Variants in DLG2 observed in about 807,000 individuals in gnomAD.
DLG2 encodes the protein discs large MAGUK scaffold protein 2.
DLG2 carries 45 observed loss-of-function variants against 132.5 expected under a neutral mutation model. The ratio of observed to expected loss-of-function variants is 0.34; its 90% CI spans 0.27 to 0.44. The LOEUF (loss-of-function observed/expected upper bound fraction) is 0.44. DLG2 is among the 20% of genes least tolerant of loss of function. The pLI is 1.00. For missense variants in DLG2, 1,045 were observed against 1,196.9 expected, an observed-to-expected ratio of 0.87 and a Z score of 1.87; for synonymous variants, 424 against 419.6, an observed-to-expected ratio of 1.01 and a Z score of -0.13.
At chr11:83,517,178 G>A (rs1255377692) in intron 21 of DLG2, among the ~76,000 whole-genome samples, 1 of 152,020 alleles carries the variant, frequency 6.6e-6, no homozygotes, top group Non-Finnish European at 1.5e-5. Flanking sequence ...ATGTAGATTT[G>A]GTCTTTTCAC....
chr11:85,612,784 T>C (rs984819161), intron 2 of DLG2, among the ~76,000 whole-genome samples: 5 of 152,192 alleles, frequency 3.3e-5, no homozygotes, highest in Admixed American at 1.3e-4. Flanking sequence ...TGGCTACTGC[T>C]ACAGAAACTG....
At chr11:84,313,420 C>CTA (rs2098312659) in intron 7 of DLG2, among the ~76,000 whole-genome samples, 1 of 151,328 alleles carries the variant, frequency 6.6e-6, no homozygotes, top group Non-Finnish European at 1.5e-5. Context: ...AGCCTGTTTA[C>CTA]TATAATATTA....
chr11:84,465,900 C>A (rs1299377677), intron 7 of DLG2, among the ~76,000 whole-genome samples: 1 of 151,058 alleles, frequency 6.6e-6, no homozygotes, highest in East Asian at 2.0e-4. Flanking sequence ...TTTAGCAAAC[C>A]ATTTATCTCA....
chr11:83,965,252 T>G, intron 13 of DLG2, 72 bp downstream of exon 13: 1 of 1,478,382 alleles, frequency 6.8e-7, no homozygotes. Context: ...AGTAGAACAC[T>G]TTGTCAACAG....
At chr11:85,579,184 G>A (rs559020767) in intron 3 of DLG2, among the ~76,000 whole-genome samples, 30 of 152,200 alleles carry the variant, frequency 2.0e-4, no homozygotes, top group Non-Finnish European at 3.5e-4. Context: ...GCTAAATGAT[G>A]AGAACACATG....
chr11:84,889,881 G>A (rs765117882), intron 6 of DLG2, among the ~76,000 whole-genome samples: 5 of 152,142 alleles, frequency 3.3e-5, no homozygotes, highest in Non-Finnish European at 7.3e-5. Flanking sequence ...CAAGACACAT[G>A]GCAGATGAGG....
intron 6 of DLG2, among the ~76,000 whole-genome samples, chr11:84,827,676 C>CAAAAAAAAAAAA (rs398016953): frequency 6.0e-4 from 21 of 35,096 alleles, no homozygotes; most frequent in South Asian, 1.8e-3. Flanking sequence ...TACATACAGT[C>CAAAAAAAAAAAA]AAAAAAAAAA....
chr11:84,623,830 A>G (rs1426075060), intron 6 of DLG2, among the ~76,000 whole-genome samples: 17 of 152,168 alleles, frequency 1.1e-4, no homozygotes. Flanking sequence ...CACAATGAGA[A>G]TATTTTTTCT....
At chr11:85,169,724 A>G (rs2078709701) in intron 4 of DLG2, among the ~76,000 whole-genome samples, 1 of 152,230 alleles carries the variant, frequency 6.6e-6, no homozygotes, top group Admixed American at 6.5e-5. Context: ...TCCTCTCTAA[A>G]TAATAAAATT....
chr11:85,310,300 C>A (rs2080233492), intron 3 of DLG2, among the ~76,000 whole-genome samples: 1 of 152,118 alleles, frequency 6.6e-6, no homozygotes, highest in Admixed American at 6.6e-5. Flanking sequence ...AAATATTGGT[C>A]AGGAAGATAG....
intron 18 of DLG2, chr11:83,646,950 C>T (rs2068383152): frequency 6.6e-6 from 1 of 152,232 alleles, no homozygotes; most frequent in South Asian, 2.1e-4. Flanking sequence ...TCCCTCCATT[C>T]TGTGGATTAC....
chr11:84,232,955 T>C lies in DLG2; in HGVS notation c.573+18283A>G, dbSNP rs369845175. 3.9e-5 allele frequency among the ~76,000 whole-genome samples: 6 copies of C among 152,192 alleles called. No individual in the cohort carries two copies. The East Asian group carries it at 1.2e-3, about 29-fold the overall frequency. On this transcript the variant is annotated intron_variant, in intron 8 of 27. Coordinates refer to ENST00000376104, the MANE Select transcript of DLG2 (RefSeq NM_001142699.3). ...GCCCAACAGAAAATAACCATTTAGG[T>C]GGGAGGAATCAGAGGGCCTGAGCAC...
At chr11:85,120,672 A>T (rs1018728800) in intron 5 of DLG2, among the ~76,000 whole-genome samples, 3 of 152,206 alleles carry the variant, frequency 2.0e-5, no homozygotes, top group African/African-American at 7.2e-5. Context: ...GAAGTATGCG[A>T]GAGGTAAGCT....
chr11:83,801,947 C>T (rs1314276077), intron 17 of DLG2, among the ~76,000 whole-genome samples: 1 of 152,122 alleles, frequency 6.6e-6, no homozygotes, highest in Non-Finnish European at 1.5e-5. Context: ...AGTTACTGTG[C>T]ACTTGTTATA....
chr11:83,674,425 T>C (rs933014620), intron 18 of DLG2, among the ~76,000 whole-genome samples: 2 of 152,200 alleles, frequency 1.3e-5, no homozygotes, highest in Non-Finnish European at 2.9e-5. Flanking sequence ...TCTCTATTTG[T>C]ACAAGGAAGC....
intron 11 of DLG2, among the ~76,000 whole-genome samples, chr11:83,999,136 C>A (rs1425049046): frequency 6.6e-6 from 1 of 152,166 alleles, no homozygotes; most frequent in Non-Finnish European, 1.5e-5. Context: ...AATCATGACA[C>A]CTCTGCCTAC....
At chr11:84,523,756 G>A (rs1334212116) in intron 7 of DLG2, among the ~76,000 whole-genome samples, 5 of 152,088 alleles carry the variant, frequency 3.3e-5, no homozygotes, top group African/African-American at 1.2e-4. Flanking sequence ...TCTTAGTTTT[G>A]AGAAAAATTT....
intron 6 of DLG2, among the ~76,000 whole-genome samples, chr11:84,742,240 A>G (rs1230588491): frequency 1.3e-5 from 2 of 152,200 alleles, no homozygotes; most frequent in Non-Finnish European, 2.9e-5. Flanking sequence ...ATAAAATAAT[A>G]GCTGAAAACT....
At chr11:83,588,747 A>G (rs939543812) in intron 19 of DLG2, among the ~76,000 whole-genome samples, 2 of 151,858 alleles carry the variant, frequency 1.3e-5, no homozygotes, top group Non-Finnish European at 2.9e-5. Flanking sequence ...TTTGAAAAAA[A>G]TTTAGAAGAA....
Sources: allele counts gnomAD v4.1 joint callset (sites outside exome capture counted in the v4.1 genomes callset), GRCh38; gene constraint gnomAD v4.1.1; transcripts MANE v1.5; gene names NCBI Gene and HGNC (gene_info 2026-07-23, HGNC 2026-07-21).